Variants in MID1 observed in about 807,000 individuals in gnomAD.
MID1 encodes the protein E3 ubiquitin-protein ligase Midline-1.
A neutral mutation model predicts 40.4 loss-of-function variants in MID1; 7 were observed. The ratio of observed to expected loss-of-function variants is 0.17; its 90% CI spans 0.10 to 0.33. MID1 has a LOEUF of 0.33. Ranked by LOEUF, MID1 falls within the 10% of genes least tolerant of loss-of-function variation. The pLI, the probability that MID1 is intolerant of heterozygous loss-of-function variation, is 1.00. For missense variants in MID1, 367 were observed against 558.5 expected (o/e 0.66, Z 3.46); for synonymous variants, 229 against 221.2 (o/e 1.04, Z -0.31).
intron 4 of MID1, among the ~76,000 whole-genome samples, chrX:10,492,230 G>C (rs916491862): frequency 1.2e-4 from 13 of 110,702 alleles, no homozygotes; most frequent in Non-Finnish European, 2.3e-4. Context: ...ATTTTATCTG[G>C]GGTAAGATAA....
At chrX:10,744,721 G>A (rs1376236182) in intron 1 of MID1, among the ~76,000 whole-genome samples, 9 of 110,777 alleles carry the variant, frequency 8.1e-5, no homozygotes, top group African/African-American at 3.0e-4. Flanking sequence ...TTTTCAGCCC[G>A]ACGCCACCTC....
At chrX:10,758,552 G>A (rs1484661874) in intron 1 of MID1, among the ~76,000 whole-genome samples, 2 of 94,544 alleles carry the variant, frequency 2.1e-5, no homozygotes, top group Non-Finnish European at 4.1e-5. Flanking sequence ...GTGCAGTGGC[G>A]TGATCTTGGC....
chrX:10,774,384 T>C (rs769977509), intron 1 of MID1, among the ~76,000 whole-genome samples: 2 of 110,082 alleles, frequency 1.8e-5, no homozygotes, highest in South Asian at 7.8e-4. Flanking sequence ...GTCCTGCAGG[T>C]ACCTTTCTAA....
At chrX:10,572,302 C>A (rs1934758496) in intron 1 of MID1, among the ~76,000 whole-genome samples, 1 of 110,416 alleles carries the variant, frequency 9.1e-6, no homozygotes, top group African/African-American at 3.3e-5. Context: ...GTAATCCCAG[C>A]ACTTTGGGAG....
In MID1 at chrX:10,616,274, A is replaced by G. The variant is rs1935836748; in HGVS notation, c.-57+4016T>C. On this transcript the variant is annotated intron_variant, in intron 1 of 9. Coordinates refer to ENST00000317552, the MANE Select transcript of MID1 (RefSeq NM_000381.4). ...ATATATTGTACTTCCTTTTCATTGT[A>G]TAAATTGCTTTTGGAAAGTAGCAAC... Among the ~76,000 whole-genome samples the G allele has an allele frequency of 2.7e-5, 3 of 112,656 alleles. No homozygotes were observed. The South Asian group carries it at 1.1e-3, about 41-fold the overall frequency.
Position 10,459,628 on chromosome X carries a change from T to A in MID1, c.1447+18A>T, listed in dbSNP as rs774530452. The A allele has an allele frequency of 5.1e-5, 61 of 1,206,102 alleles. No individual in the cohort carries two copies. Among genetic ancestry groups the A allele is most frequent in the Admixed American group, 2.2e-5 (1 of 45,845 alleles). ...AGCAGATAAGACATGACAGCTCTGT[T>A]GAGTTCACAGCACTTACTGTTTGTC... On this transcript the variant is annotated intron_variant, in intron 8 of 9. Coordinates refer to ENST00000317552, the MANE Select transcript of MID1 (RefSeq NM_000381.4).
In MID1 at chrX:10,785,193, T is replaced by C. The variant is rs199676156; in HGVS notation, c.-187+48361A>G. Reference sequence around the variant, plus strand: ...AATAACAGACAAACAGAGAGCCAAATCATGAGTGAACTCCCATTCACAATT... The same window carrying C: ...AATAACAGACAAACAGAGAGCCAAACCATGAGTGAACTCCCATTCACAATT... On this transcript the variant is annotated intron_variant, in intron 1 of 10. Transcript: ENST00000380785. Among the ~76,000 whole-genome samples, 25 of 110,977 alleles carry C rather than the reference T, an allele frequency of 2.3e-4. No homozygotes were observed. The East Asian group carries it at 6.8e-3, about 30-fold the overall frequency.
intron 1 of MID1, among the ~76,000 whole-genome samples, chrX:10,705,467 A>G (rs1274399402): frequency 1.8e-5 from 2 of 112,286 alleles, no homozygotes; most frequent in Non-Finnish European, 3.8e-5. Flanking sequence ...TTTGTTTCAA[A>G]AGTTCTACTC....
At chrX:10,676,309 G>T in intron 1 of MID1, among the ~76,000 whole-genome samples, 1 of 112,127 alleles carries the variant, frequency 8.9e-6, no homozygotes, top group Admixed American at 9.5e-5. Context: ...AAGTAAAATT[G>T]TTCTGTGGCT....
intron 3 of MID1, among the ~76,000 whole-genome samples, chrX:10,520,232 T>C (rs1932641754): frequency 8.9e-6 from 1 of 111,977 alleles, no homozygotes; most frequent in South Asian, 3.8e-4. Flanking sequence ...TAATCTAAGA[T>C]ACCAGCAACT....
At chrX:10,725,246 CA>C (rs1432493950) in intron 1 of MID1, among the ~76,000 whole-genome samples, 2 of 111,630 alleles carry the variant, frequency 1.8e-5, no homozygotes, top group African/African-American at 6.5e-5. Flanking sequence ...AATCAGGTGC[CA>C]GTCAAAAGCT....
chrX:10,776,574 C>T (rs2043803900), intron 1 of MID1, among the ~76,000 whole-genome samples: 2 of 110,985 alleles, frequency 1.8e-5, no homozygotes, highest in African/African-American at 6.6e-5. Flanking sequence ...GATAAGAAAA[C>T]AGAAAAAGAG....
chrX:10,657,123 A>G (rs1330006205), intron 1 of MID1, among the ~76,000 whole-genome samples: 2 of 111,309 alleles, frequency 1.8e-5, no homozygotes, highest in Non-Finnish European at 3.8e-5. Flanking sequence ...GAATTGGTGT[A>G]TTAATACCCC....
At chrX:10,799,133 C>G (rs957587200) in intron 1 of MID1, among the ~76,000 whole-genome samples, 11 of 111,642 alleles carry the variant, frequency 9.9e-5, no homozygotes, top group Middle Eastern at 4.2e-3. Context: ...CAGGCACAAC[C>G]TTTTTCATCC....
At position 10,452,092 on chromosome X, in the gene MID1, T is replaced by TATTA. The variant is rs756186041; in HGVS notation, c.1656-2380_1656-2377dup. ...GTTGTGGCACAGCATTTTTATTTTT[T>TATTA]ATTACTTTGATGTTTATTTCCCATT... On this transcript the variant is annotated intron_variant, in intron 9 of 9. Coordinates refer to ENST00000317552, the MANE Select transcript of MID1 (RefSeq NM_000381.4). Among the ~76,000 whole-genome samples the TATTA allele has an allele frequency of 6.8e-3, 761 of 111,917 alleles. 5 individuals carry two copies. Among genetic ancestry groups the TATTA allele is most frequent in the Middle Eastern group, 0.023 (5 of 218 alleles).
intron 1 of MID1, among the ~76,000 whole-genome samples, chrX:10,732,413 A>C (rs973996716): frequency 8.9e-6 from 1 of 112,431 alleles, no homozygotes; most frequent in Non-Finnish European, 1.9e-5. Flanking sequence ...GAAATACTGG[A>C]TAATTTATTT....
intron 5 of MID1, 37 bp from the exon 6 acceptor site, chrX:10,474,787 AG>A: frequency 8.4e-7 from 1 of 1,189,108 alleles, no homozygotes; most frequent in Non-Finnish European, 1.1e-6. Flanking sequence ...AGAAATGTCA[AG>A]ATGACTTTCA....
chrX:10,602,046 C>T (rs920048645), intron 1 of MID1, among the ~76,000 whole-genome samples: 3 of 107,812 alleles, frequency 2.8e-5, no homozygotes, highest in South Asian at 4.1e-4. Context: ...TACAAGTGCC[C>T]GCCACCATGC....
chrX:10,827,550 G>A (rs975212887), intron 1 of MID1, among the ~76,000 whole-genome samples: 8 of 104,384 alleles, frequency 7.7e-5, no homozygotes, highest in Non-Finnish European at 1.4e-4. Flanking sequence ...AAAGTTGTCC[G>A]GACAGATACC....
Sources: allele counts gnomAD v4.1 joint callset (sites outside exome capture counted in the v4.1 genomes callset), GRCh38; gene constraint gnomAD v4.1.1; transcripts MANE v1.5; gene names NCBI Gene and HGNC (gene_info 2026-07-23, HGNC 2026-07-21).